CFAP43: variants seen among roughly 807,000 people sequenced by gnomAD.
CFAP43 encodes cilia- and flagella-associated protein 43.
Under a neutral mutation model 218.9 loss-of-function variants are expected in CFAP43, and 155 were observed. The ratio of observed to expected loss-of-function variants is 0.71; its 90% CI spans 0.62 to 0.81. CFAP43 has a LOEUF of 0.81. CFAP43 is among the 30% of genes least tolerant of loss of function. The pLI is 0.00. For synonymous variants in CFAP43, 645 were observed against 681.3 expected, an observed-to-expected ratio of 0.95 and a Z score of 0.83; for missense variants, 1,778 against 1,954.3, an observed-to-expected ratio of 0.91 and a Z score of 1.70.
chr10:104,158,351 T>C (rs1235930366), intron 27 of CFAP43, among the ~76,000 whole-genome samples: 1 of 152,184 alleles, frequency 6.6e-6, no homozygotes, highest in African/African-American at 2.4e-5. Context: ...CCAGTGATCA[T>C]ACTTAATGTT....
intron 34 of CFAP43, among the ~76,000 whole-genome samples, 155 bp downstream of exon 34, chr10:104,140,687 C>T (rs777735373): frequency 6.6e-6 from 1 of 152,078 alleles, no homozygotes; most frequent in Non-Finnish European, 1.5e-5. Flanking sequence ...GTGGTGTGAA[C>T]CTGTACTCCC....
At chr10:104,130,998 C>CAAA (rs1163188252) in intron 37 of CFAP43, among the ~76,000 whole-genome samples, 33 of 56,658 alleles carry the variant, frequency 5.8e-4, no homozygotes, top group African/African-American at 1.2e-3. Flanking sequence ...CACCCTGTCT[C>CAAA]AAAAAAAAAA....
intron 25 of CFAP43, 82 bp from the exon 26 acceptor site, chr10:104,162,123 A>T: frequency 7.7e-6 from 11 of 1,421,970 alleles, no homozygotes; most frequent in Non-Finnish European, 1.1e-5. Flanking sequence ...CTTCCCACCC[A>T]ACATTAGAAT....
chr10:104,148,381 A>G (rs2088081173), intron 28 of CFAP43, among the ~76,000 whole-genome samples: 1 of 152,072 alleles, frequency 6.6e-6, no homozygotes, highest in South Asian at 2.1e-4. Context: ...ACTTTTTATT[A>G]TATATTGTGT....
intron 4 of CFAP43, among the ~76,000 whole-genome samples, chr10:104,213,725 C>G (rs1034000492): frequency 6.6e-6 from 1 of 151,946 alleles, no homozygotes; most frequent in Non-Finnish European, 1.5e-5. Context: ...TTAGTAGAGA[C>G]GGGGTTTCGC....
chr10:104,145,402 G>T, intron 31 of CFAP43, 74 bp downstream of exon 31: 1 of 933,530 alleles, frequency 1.1e-6, no homozygotes, highest in Non-Finnish European at 1.6e-6. Context: ...GGAGAAAAAA[G>T]CTGAAATCTA....
At chr10:104,215,902 G>A (rs1476962565) in intron 3 of CFAP43, among the ~76,000 whole-genome samples, 2 of 151,994 alleles carry the variant, frequency 1.3e-5, no homozygotes, top group African/African-American at 2.4e-5. Context: ...TCCTACCTAA[G>A]GCCAATTCCA....
chr10:104,184,605 C>G (rs1032319273), intron 16 of CFAP43, among the ~76,000 whole-genome samples: 47 of 152,066 alleles, frequency 3.1e-4, no homozygotes, highest in African/African-American at 9.9e-4. Flanking sequence ...AGACCATACC[C>G]CCAACCACCT....
intron 5 of CFAP43, among the ~76,000 whole-genome samples, chr10:104,210,579 A>G (rs1452594240): frequency 2.6e-5 from 4 of 151,954 alleles, no homozygotes; most frequent in African/African-American, 9.7e-5. Flanking sequence ...AGGGCCAAAA[A>G]AGTGGAGCTT....
At chr10:104,186,620 A>G (rs2090040053) in intron 14 of CFAP43, among the ~76,000 whole-genome samples, 1 of 152,082 alleles carries the variant, frequency 6.6e-6, no homozygotes, top group Non-Finnish European at 1.5e-5. Flanking sequence ...TCCATGTCTA[A>G]ATCTGACTTA....
chr10:104,210,422 A>G (rs925476799), intron 5 of CFAP43, among the ~76,000 whole-genome samples: 1 of 152,238 alleles, frequency 6.6e-6, no homozygotes, highest in Non-Finnish European at 1.5e-5. Context: ...GCTGGAGTGC[A>G]ATGGTGCAAT....
intron 19 of CFAP43, among the ~76,000 whole-genome samples, chr10:104,175,045 A>G (rs2089566628): frequency 6.6e-6 from 1 of 151,368 alleles, no homozygotes; most frequent in Non-Finnish European, 1.5e-5. Context: ...ACAGAGCGAG[A>G]GCGAGACTCC....
chr10:104,210,783 CTTTTTTTTTT>C (rs68153454), intron 5 of CFAP43, among the ~76,000 whole-genome samples: 2 of 75,460 alleles, frequency 2.7e-5, no homozygotes, highest in Non-Finnish European at 2.3e-5. Context: ...GTGAAACACT[CTTTTTTTTTT>C]TTTTTTTTTT....
intron 37 of CFAP43, 133 bp from the exon 38 acceptor site, chr10:104,130,438 A>G: frequency 9.8e-7 from 1 of 1,019,384 alleles, no homozygotes; most frequent in South Asian, 1.6e-5. Context: ...TTACAGCAGC[A>G]CTATCACAAA....
At chr10:104,205,375 ACT>A (rs1564796870) in intron 7 of CFAP43, among the ~76,000 whole-genome samples, 2 of 152,096 alleles carry the variant, frequency 1.3e-5, no homozygotes, top group African/African-American at 4.8e-5. Flanking sequence ...TTGCTGGTGA[ACT>A]CTGTGAGATT....
intron 19 of CFAP43, among the ~76,000 whole-genome samples, chr10:104,175,088 C>CAAACAA (rs1554874767): frequency 7.0e-6 from 1 of 142,916 alleles, no homozygotes; most frequent in Non-Finnish European, 1.5e-5. Context: ...AACAAACAAA[C>CAAACAA]AAAAAAAAAC....
At chr10:104,226,581 A>G (rs2091309506) in intron 2 of CFAP43, among the ~76,000 whole-genome samples, 1 of 152,140 alleles carries the variant, frequency 6.6e-6, no homozygotes, top group African/African-American at 2.4e-5. Context: ...AAAAGAGAGA[A>G]AAATATACCC....
intron 34 of CFAP43, among the ~76,000 whole-genome samples, chr10:104,139,564 A>G (rs935471430): frequency 1.3e-5 from 2 of 152,242 alleles, no homozygotes; most frequent in Non-Finnish European, 2.9e-5. Flanking sequence ...GAAGAAAATG[A>G]ACATCTTTAA....
chr10:104,157,773 TGTGA>T (rs1340874104), intron 27 of CFAP43, among the ~76,000 whole-genome samples: 1,698 of 97,838 alleles, frequency 0.017, 7 homozygotes, highest in Admixed American at 0.033. Context: ...TGTGTGTGTG[TGTGA>T]GAGAGAGAGA....
Sources: allele counts gnomAD v4.1 joint callset (sites outside exome capture counted in the v4.1 genomes callset), GRCh38; gene constraint gnomAD v4.1.1; transcripts MANE v1.5; gene names NCBI Gene and HGNC (gene_info 2026-07-23, HGNC 2026-07-21).